RAB38: variants seen among roughly 807,000 people sequenced by gnomAD.
RAB38 encodes the protein RAB38, member RAS oncogene family, also known as ras-related protein Rab-38.
RAB38 carries 15 observed loss-of-function variants against 18.4 expected under a neutral mutation model. The ratio of observed to expected loss-of-function variants is 0.82; its 90% CI spans 0.55 to 1.26. The LOEUF is 1.26. RAB38 is among the 50% of genes most tolerant of loss of function. The pLI is 0.00. For synonymous variants in RAB38, 101 were observed against 104.4 expected (o/e 0.97, Z 0.20); for missense variants, 294 against 267.4 (o/e 1.10, Z -0.69).
At chr11:87,907,792 T>G in the RAB38 span, among the ~76,000 whole-genome samples, 1 of 151,826 alleles carries the variant, frequency 6.6e-6, no homozygotes, top group Non-Finnish European at 1.5e-5. Context: ...TCCAATAATA[T>G]GTTTTCATTT....
At chr11:87,890,652 C>G in the RAB38 span, among the ~76,000 whole-genome samples, 1 of 151,836 alleles carries the variant, frequency 6.6e-6, no homozygotes, top group African/African-American at 2.4e-5. Context: ...AGGCCGGTCT[C>G]TAGCCATAAT....
At chr11:87,841,692 A>G in the RAB38 span, among the ~76,000 whole-genome samples, 1 of 152,214 alleles carries the variant, frequency 6.6e-6, no homozygotes, top group Non-Finnish European at 1.5e-5. Flanking sequence ...CCTGTTTCTC[A>G]GAATGTACAA....
At chr11:87,805,176 G>A in the RAB38 span, among the ~76,000 whole-genome samples, 5 of 152,280 alleles carry the variant, frequency 3.3e-5, no homozygotes, top group Middle Eastern at 6.8e-3. Context: ...TATCTGGAGT[G>A]TGAAAGAGCC....
the RAB38 span, among the ~76,000 whole-genome samples, chr11:87,804,914 C>T: frequency 1.3e-5 from 2 of 152,150 alleles, no homozygotes; most frequent in African/African-American, 2.4e-5. Flanking sequence ...TCATTTTTAG[C>T]TTAAACTTTC....
the RAB38 span, among the ~76,000 whole-genome samples, chr11:87,868,608 A>AGAGAGAGAGAGAAG: frequency 0.22 from 22,486 of 102,720 alleles, 3,174 homozygotes; most frequent in South Asian, 0.28. Flanking sequence ...AGAGAGAGAG[A>AGAGAGAGAGAGAAG]GAGAGAGAGA....
the RAB38 span, among the ~76,000 whole-genome samples, chr11:88,043,193 A>T: frequency 6.6e-6 from 1 of 152,190 alleles, no homozygotes; most frequent in Non-Finnish European, 1.5e-5. Context: ...TAACTCTTCC[A>T]TGTGATCATG....
chr11:88,093,978 C>CCT, the RAB38 span, among the ~76,000 whole-genome samples: 1 of 146,542 alleles, frequency 6.8e-6, no homozygotes, highest in African/African-American at 2.4e-5. Flanking sequence ...TAAAATGAGC[C>CCT]ACTCCTGCAT....
the RAB38 span, among the ~76,000 whole-genome samples, chr11:87,835,466 T>G: frequency 6.6e-6 from 1 of 152,224 alleles, no homozygotes; most frequent in Non-Finnish European, 1.5e-5. Context: ...GCAGATATTC[T>G]GTTATGGGCC....
At chr11:88,061,085 A>G in the RAB38 span, among the ~76,000 whole-genome samples, 17 of 152,258 alleles carry the variant, frequency 1.1e-4, no homozygotes. Flanking sequence ...CGTGCCCTAC[A>G]ATGATATGAT....
the RAB38 span, among the ~76,000 whole-genome samples, chr11:88,017,541 T>G: frequency 4.4e-3 from 663 of 151,536 alleles, 6 homozygotes; most frequent in African/African-American, 0.015. Context: ...TATGCTATGA[T>G]TCATATTTTG....
the RAB38 span, among the ~76,000 whole-genome samples, chr11:87,837,291 G>C: frequency 6.6e-6 from 1 of 152,172 alleles, no homozygotes; most frequent in Non-Finnish European, 1.5e-5. Flanking sequence ...TTGGGTGCTT[G>C]TGTGTGAGCT....
the RAB38 span, among the ~76,000 whole-genome samples, chr11:88,081,938 T>C: frequency 6.6e-6 from 1 of 151,918 alleles, no homozygotes; most frequent in African/African-American, 2.4e-5. Flanking sequence ...AATGAACTAC[T>C]AATACATGTA....
the RAB38 span, among the ~76,000 whole-genome samples, chr11:88,021,946 G>C: frequency 6.6e-6 from 1 of 151,338 alleles, no homozygotes; most frequent in Non-Finnish European, 1.5e-5. Flanking sequence ...TGGGATTACA[G>C]GCATGAGCCA....
the RAB38 span, among the ~76,000 whole-genome samples, chr11:87,830,918 C>T: frequency 6.6e-6 from 1 of 152,116 alleles, no homozygotes; most frequent in Non-Finnish European, 1.5e-5. Flanking sequence ...CCCACCTCAG[C>T]CTCCCAAGTA....
At chr11:88,068,425 T>C in the RAB38 span, among the ~76,000 whole-genome samples, 1 of 152,136 alleles carries the variant, frequency 6.6e-6, no homozygotes, top group Non-Finnish European at 1.5e-5. Flanking sequence ...AAAAATAAAC[T>C]CATTAAAACA....
intron 2 of RAB38, among the ~76,000 whole-genome samples, chr11:88,126,863 A>G (rs896236249): frequency 6.6e-6 from 1 of 152,202 alleles, no homozygotes; most frequent in Non-Finnish European, 1.5e-5. Context: ...ATGTGTATAA[A>G]GTGAGAGGAG....
At chr11:87,851,255 G>A in the RAB38 span, among the ~76,000 whole-genome samples, 1 of 152,096 alleles carries the variant, frequency 6.6e-6, no homozygotes. Flanking sequence ...CAACTAACTT[G>A]TAGACCCCTT....
intron 2 of RAB38, among the ~76,000 whole-genome samples, chr11:88,135,362 T>C (rs1942823550): frequency 6.6e-6 from 1 of 152,228 alleles, no homozygotes; most frequent in South Asian, 2.1e-4. Context: ...TGTCCACTGG[T>C]ATAGCCCTAA....
the RAB38 span, among the ~76,000 whole-genome samples, chr11:87,838,994 C>T: frequency 1.3e-4 from 20 of 152,292 alleles, no homozygotes; most frequent in East Asian, 1.7e-3. Context: ...GGCTGTATCC[C>T]GCAAAGCCCA....
Sources: allele counts gnomAD v4.1 joint callset (sites outside exome capture counted in the v4.1 genomes callset), GRCh38; gene constraint gnomAD v4.1.1; transcripts MANE v1.5; gene names NCBI Gene and HGNC (gene_info 2026-07-23, HGNC 2026-07-21).